The following TMEM132C variants were observed in gnomAD, a reference collection of about 807,000 sequenced individuals.
TMEM132C encodes the protein transmembrane protein 132C, also known as protein phosphatase 1, regulatory subunit 152.
Under a neutral mutation model 61.4 loss-of-function variants are expected in TMEM132C, and 29 were observed. That is an observed-to-expected ratio of 0.47 (90% CI 0.35 to 0.64). The LOEUF is 0.64. Ranked by LOEUF, TMEM132C falls within the 30% of genes least tolerant of loss-of-function variation. The pLI is 0.00. For synonymous variants in TMEM132C, 656 were observed against 633.1 expected (o/e 1.04, Z -0.54); for missense variants, 1,408 against 1,476.9 (o/e 0.95, Z 0.76).
chr12:128,406,561 G>A (rs1337937134), intron 1 of TMEM132C, among the ~76,000 whole-genome samples: 1 of 152,216 alleles, frequency 6.6e-6, no homozygotes, highest in Non-Finnish European at 1.5e-5. Context: ...ATTAATAGAA[G>A]AGGTGAGGTG....
chr12:128,621,379 A>G (rs1465168556), intron 4 of TMEM132C, among the ~76,000 whole-genome samples: 2 of 152,216 alleles, frequency 1.3e-5, no homozygotes, highest in Non-Finnish European at 2.9e-5. Context: ...TGGTGTACAC[A>G]AGGAGACAGA....
chr12:128,291,765 G>C (rs1027338223), intron 1 of TMEM132C, among the ~76,000 whole-genome samples: 2 of 152,176 alleles, frequency 1.3e-5, no homozygotes, highest in African/African-American at 4.8e-5. Context: ...AGGTTCCCTT[G>C]TTTTCTGGCT....
Position 128,325,298 on chromosome 12 carries a change from C to G in TMEM132C, c.85+57811C>G, listed in dbSNP as rs1872469545. 2.0e-5 allele frequency among the ~76,000 whole-genome samples: 3 copies of G among 152,110 alleles called. No individual in the cohort carries two copies. In the South Asian group the frequency reaches 6.2e-4, roughly 31 times the overall value. On this transcript the variant is annotated intron_variant, in intron 1 of 8. Coordinates refer to ENST00000435159, the MANE Select transcript of TMEM132C (RefSeq NM_001136103.3). ...TCTTGGAAGTTTCAAACAAGGAAAA[C>G]ATTAGTGACTGTATCTAGTTAAAAA...
At chr12:128,359,488 G>T (rs974639298) in intron 1 of TMEM132C, among the ~76,000 whole-genome samples, 27 of 152,138 alleles carry the variant, frequency 1.8e-4, no homozygotes, top group African/African-American at 6.0e-4. Context: ...GTGAGATTTG[G>T]GTGGCGACAC....
chr12:128,442,412 G>A (rs1593054779), intron 2 of TMEM132C, among the ~76,000 whole-genome samples: 1 of 152,312 alleles, frequency 6.6e-6, no homozygotes, highest in South Asian at 2.1e-4. Context: ...GAACCATCTG[G>A]AGAGAGAGAG....
At chr12:128,641,246 A>G (rs1002791559) in intron 4 of TMEM132C, among the ~76,000 whole-genome samples, 2 of 152,138 alleles carry the variant, frequency 1.3e-5, no homozygotes, top group East Asian at 3.9e-4. Context: ...ATCCATGTCC[A>G]GCATCTCCCT....
intron 1 of TMEM132C, among the ~76,000 whole-genome samples, chr12:128,277,397 A>G (rs1273506804): frequency 6.6e-6 from 1 of 152,182 alleles, no homozygotes; most frequent in African/African-American, 2.4e-5. Flanking sequence ...CCAGGCTTAT[A>G]TTCTGTCCAC....
intron 1 of TMEM132C, among the ~76,000 whole-genome samples, chr12:128,328,396 C>T (rs1157579436): frequency 6.6e-6 from 1 of 152,130 alleles, no homozygotes; most frequent in South Asian, 2.1e-4. Context: ...ACACTGACCC[C>T]CCGGCTTACA....
At chr12:128,391,237 G>A (rs1296602574) in intron 1 of TMEM132C, among the ~76,000 whole-genome samples, 1 of 152,198 alleles carries the variant, frequency 6.6e-6, no homozygotes, top group Non-Finnish European at 1.5e-5. Context: ...TCTGGCGGCT[G>A]GCCAGCAGGA....
At chr12:128,325,716 T>G (rs1872487542) in intron 1 of TMEM132C, among the ~76,000 whole-genome samples, 1 of 152,180 alleles carries the variant, frequency 6.6e-6, no homozygotes, top group African/African-American at 2.4e-5. Flanking sequence ...CGTGGCTGTT[T>G]CCAGTTCGGG....
At chr12:128,552,286 G>A in intron 3 of TMEM132C, among the ~76,000 whole-genome samples, 2 of 152,300 alleles carry the variant, frequency 1.3e-5, no homozygotes, top group South Asian at 4.1e-4. Context: ...AACTTACATA[G>A]AAAACCATAA....
intron 2 of TMEM132C, among the ~76,000 whole-genome samples, chr12:128,455,020 A>C (rs1870296602): frequency 6.6e-6 from 1 of 152,156 alleles, no homozygotes; most frequent in Admixed American, 6.5e-5. Flanking sequence ...CTTCCTCCTC[A>C]TGTCCACAAA....
chr12:128,588,088 A>C (rs34720587), intron 3 of TMEM132C, among the ~76,000 whole-genome samples: 24,332 of 152,168 alleles, frequency 0.16, 2,154 homozygotes, highest in Middle Eastern at 0.26. Context: ...TAAGATGAGG[A>C]AATGATTCAA....
chr12:128,413,501 CTA>C (rs1868643379), intron 1 of TMEM132C, among the ~76,000 whole-genome samples: 1 of 151,786 alleles, frequency 6.6e-6, no homozygotes, highest in Admixed American at 6.6e-5. Flanking sequence ...CTAAGACTGT[CTA>C]TTGCCTGTCG....
chr12:128,557,993 C>T lies in TMEM132C; in HGVS notation c.1121+13890C>T, dbSNP rs185256946. Among the ~76,000 whole-genome samples the T allele has an allele frequency of 5.9e-5, 9 of 152,314 alleles. No individual in the cohort carries two copies. The South Asian group carries it at 8.3e-4, about 14-fold the overall frequency. The stretch of plus-strand genomic sequence containing the variant: ...TCTTGGCTCTTCTGCGTGGAAGTCG[C>T]GCGGTTTCGCGCACATTAGTCAGTC... On this transcript the variant is annotated intron_variant, in intron 3 of 8. Coordinates refer to ENST00000435159, the MANE Select transcript of TMEM132C (RefSeq NM_001136103.3).
At chr12:128,509,849 A>G (rs1361223531) in intron 2 of TMEM132C, among the ~76,000 whole-genome samples, 1 of 152,240 alleles carries the variant, frequency 6.6e-6, no homozygotes, top group African/African-American at 2.4e-5. Flanking sequence ...GTCACAGGCC[A>G]GAGAACATCT....
intron 2 of TMEM132C, among the ~76,000 whole-genome samples, chr12:128,522,049 C>A (rs1034722129): frequency 6.6e-6 from 1 of 152,114 alleles, no homozygotes; most frequent in Non-Finnish European, 1.5e-5. Flanking sequence ...TTGCTGCTAC[C>A]GTAAGGACTG....
intron 2 of TMEM132C, among the ~76,000 whole-genome samples, chr12:128,531,197 G>A (rs1045589884): frequency 4.6e-5 from 7 of 152,228 alleles, no homozygotes; most frequent in African/African-American, 1.7e-4. Flanking sequence ...AGAGTTAGAA[G>A]TAGCAACAAT....
chr12:128,405,194 A>AT (rs1445864034), intron 1 of TMEM132C, among the ~76,000 whole-genome samples: 1 of 152,182 alleles, frequency 6.6e-6, no homozygotes, highest in African/African-American at 2.4e-5. Flanking sequence ...ATGCCATGGC[A>AT]GCCCTGGAAT....
Sources: allele counts gnomAD v4.1 joint callset (sites outside exome capture counted in the v4.1 genomes callset), GRCh38; gene constraint gnomAD v4.1.1; transcripts MANE v1.5; gene names NCBI Gene and HGNC (gene_info 2026-07-23, HGNC 2026-07-21).